EPHA6: variants seen among roughly 807,000 people sequenced by gnomAD.
EPHA6 encodes ephrin type-A receptor 6.
In EPHA6, 50 loss-of-function variants were observed where a neutral mutation model predicts 112.0. That is an observed-to-expected ratio of 0.45 (90% CI 0.36 to 0.56). The LOEUF (loss-of-function observed/expected upper bound fraction) is 0.56. Ranked by LOEUF, EPHA6 falls within the 20% of genes least tolerant of loss-of-function variation. The pLI is 0.00. For synonymous variants in EPHA6, 529 were observed against 490.7 expected (o/e 1.08, Z -1.03); for missense variants, 1,280 against 1,417.4 (o/e 0.90, Z 1.56).
At chr3:97,478,596 AAT>A (rs201607368) in intron 8 of EPHA6, among the ~76,000 whole-genome samples, 23 of 149,386 alleles carry the variant, frequency 1.5e-4, no homozygotes, top group African/African-American at 5.3e-4. Context: ...TAGAAAAAAA[AAT>A]ATTTTGAAGT....
In EPHA6 at chr3:97,334,201, T is replaced by A. The variant is rs376700916; in HGVS notation, c.1607-70949T>A. Among the ~76,000 whole-genome samples the A allele has an allele frequency of 2.9e-3, 444 of 152,224 alleles. 2 individuals are homozygous for A. Among genetic ancestry groups the A allele is most frequent in the African/African-American group, 9.9e-3 (413 of 41,568 alleles). Reference sequence around the variant, plus strand: ...TTATAGCTTGCTTAATTAATTTTTTTAATACTGGGTTAAAGATCTTTGCAT... The same window carrying A: ...TTATAGCTTGCTTAATTAATTTTTTAAATACTGGGTTAAAGATCTTTGCAT... On this transcript the variant is annotated intron_variant, in intron 5 of 17. Coordinates refer to ENST00000389672, the MANE Select transcript of EPHA6 (RefSeq NM_001080448.3).
intron 2 of EPHA6, among the ~76,000 whole-genome samples, chr3:96,876,761 T>C (rs2036980151): frequency 6.6e-6 from 1 of 152,112 alleles, no homozygotes; most frequent in African/African-American, 2.4e-5. Flanking sequence ...TCTGGAATGT[T>C]CCCTTTTATC....
At chr3:96,854,012 CTG>C (rs1055332812) in intron 1 of EPHA6, among the ~76,000 whole-genome samples, 3 of 151,510 alleles carry the variant, frequency 2.0e-5, no homozygotes, top group African/African-American at 7.3e-5. Flanking sequence ...TTAAAGTATT[CTG>C]TGTTTTTTGT....
chr3:96,964,212 A>G (rs1301698507), intron 2 of EPHA6, among the ~76,000 whole-genome samples: 1 of 152,144 alleles, frequency 6.6e-6, no homozygotes, highest in Non-Finnish European at 1.5e-5. Context: ...TTATTATTGA[A>G]GATCCAGTAG....
chr3:97,447,118 T>C (rs2090372529), intron 6 of EPHA6, among the ~76,000 whole-genome samples: 1 of 152,158 alleles, frequency 6.6e-6, no homozygotes, highest in Non-Finnish European at 1.5e-5. Context: ...CCAAATAGCA[T>C]ATAAAGTTCT....
intron 5 of EPHA6, among the ~76,000 whole-genome samples, chr3:97,372,528 G>C (rs1317345615): frequency 6.6e-6 from 1 of 152,062 alleles, no homozygotes; most frequent in Non-Finnish European, 1.5e-5. Context: ...ATTTGAAAAT[G>C]ACCTACAAAT....
intron 2 of EPHA6, among the ~76,000 whole-genome samples, chr3:96,873,122 G>A (rs1472231264): frequency 1.3e-5 from 2 of 151,944 alleles, no homozygotes; most frequent in Non-Finnish European, 2.9e-5. Flanking sequence ...ACAAAAATTA[G>A]CTGGGCATGG....
chr3:97,532,328 T>C, intron 10 of EPHA6, 30 bp from the exon 11 acceptor site: 1 of 1,575,388 alleles, frequency 6.3e-7, no homozygotes, highest in Non-Finnish European at 8.6e-7. Context: ...TTCGGTTTAA[T>C]CAAATAACTG....
chr3:97,195,043 G>T (rs376398314), intron 3 of EPHA6, among the ~76,000 whole-genome samples: 1 of 151,674 alleles, frequency 6.6e-6, no homozygotes, highest in African/African-American at 2.4e-5. Flanking sequence ...TATGTCTTTT[G>T]ACTGGAAAGT....
intron 5 of EPHA6, among the ~76,000 whole-genome samples, chr3:97,351,102 T>C (rs992206692): frequency 1.3e-5 from 2 of 152,220 alleles, no homozygotes; most frequent in Admixed American, 6.5e-5. Context: ...TGTTCATAGC[T>C]ATTTTACAAG....
intron 3 of EPHA6, among the ~76,000 whole-genome samples, chr3:97,051,092 C>G (rs1483056587): frequency 6.6e-6 from 1 of 152,072 alleles, no homozygotes; most frequent in Non-Finnish European, 1.5e-5. Flanking sequence ...TGTCAGGACC[C>G]TTAGAGAATT....
At chr3:97,221,190 G>T (rs1286586860) in intron 3 of EPHA6, among the ~76,000 whole-genome samples, 1 of 151,200 alleles carries the variant, frequency 6.6e-6, no homozygotes, top group Non-Finnish European at 1.5e-5. Context: ...GTGCATGCCT[G>T]AGAACCCAAC....
chr3:97,507,006 C>T (rs966901573), intron 10 of EPHA6, among the ~76,000 whole-genome samples: 1 of 152,098 alleles, frequency 6.6e-6, no homozygotes. Flanking sequence ...GATTTTTGCA[C>T]ATTGATTTTG....
intron 2 of EPHA6, among the ~76,000 whole-genome samples, chr3:96,981,534 C>A (rs921649244): frequency 6.6e-6 from 1 of 151,826 alleles, no homozygotes; most frequent in Non-Finnish European, 1.5e-5. Flanking sequence ...TGTGTCTCTG[C>A]GAGGCTTTAG....
chr3:97,328,054 C>CATAT (rs71286029), intron 5 of EPHA6, among the ~76,000 whole-genome samples: 23,883 of 120,644 alleles, frequency 0.2, 2,767 homozygotes, highest in Non-Finnish European at 0.24. Context: ...CATATATACA[C>CATAT]ATATATATAT....
At chr3:97,055,977 A>G (rs2045838763) in intron 3 of EPHA6, among the ~76,000 whole-genome samples, 1 of 150,924 alleles carries the variant, frequency 6.6e-6, no homozygotes, top group Non-Finnish European at 1.5e-5. Context: ...CACTTAAAAT[A>G]TATTCTAAAC....
intron 3 of EPHA6, among the ~76,000 whole-genome samples, chr3:97,200,108 G>A (rs945804982): frequency 6.6e-6 from 1 of 152,100 alleles, no homozygotes; most frequent in Non-Finnish European, 1.5e-5. Flanking sequence ...TGATCCTATA[G>A]ACAAGAAGTT....
intron 5 of EPHA6, among the ~76,000 whole-genome samples, chr3:97,334,495 G>A (rs1037045308): frequency 2.9e-5 from 1 of 34,524 alleles, no homozygotes; most frequent in Admixed American, 3.1e-4. Flanking sequence ...TTTTTTTTTT[G>A]ATGAGAGACA....
intron 3 of EPHA6, among the ~76,000 whole-genome samples, chr3:97,053,096 C>G (rs537379850): frequency 6.6e-6 from 1 of 152,118 alleles, no homozygotes; most frequent in South Asian, 2.1e-4. Flanking sequence ...AATTAAGCGA[C>G]TTATATAGGA....
Sources: gnomAD v4.1 joint callset for allele counts (sites outside exome capture counted in the v4.1 genomes callset) on GRCh38, gnomAD v4.1.1 for gene constraint, MANE v1.5 for transcripts, NCBI Gene and HGNC (gene_info 2026-07-23, HGNC 2026-07-21) for gene names.